ZNF638: variants seen among roughly 807,000 people sequenced by gnomAD.
ZNF638 encodes zinc finger protein 638, also known as CTCL tumor antigen se33-1.
A neutral mutation model predicts 195.6 loss-of-function variants in ZNF638; 46 were observed. The observed-to-expected ratio is 0.24, with a 90% CI of 0.19 to 0.30. ZNF638 has a LOEUF of 0.30. Among genes scored for constraint, ZNF638 ranks in the 10% least tolerant of loss-of-function variants. The probability of loss-of-function intolerance (pLI) is 1.00; values close to 1 mark genes in which losing one functional copy is unlikely to be tolerated. For synonymous variants in ZNF638, 845 were observed against 772.0 expected (o/e 1.09, Z -1.57); for missense variants, 2,440 against 2,325.3 (o/e 1.05, Z -1.01).
chr2:71,399,906 A>G (rs1245570277), intron 13 of ZNF638, among the ~76,000 whole-genome samples: 1 of 152,032 alleles, frequency 6.6e-6, no homozygotes, highest in African/African-American at 2.4e-5. Flanking sequence ...TCTTTAGATC[A>G]TCTTTAAGGT....
chr2:71,383,744 CTTTTTTTTTTTCTTTTTCTT>C (rs1483883899), intron 10 of ZNF638, among the ~76,000 whole-genome samples: 1 of 92,534 alleles, frequency 1.1e-5, no homozygotes, highest in African/African-American at 4.5e-5. Context: ...GCTAATTTTT[CTTTTTTTTTTTCTTTTTCTT>C]TTTTTTTTTT....
At chr2:71,408,030 G>A in intron 19 of ZNF638, 92 bp from the exon 20 acceptor site, 2 of 1,180,694 alleles carry the variant, frequency 1.7e-6, no homozygotes, top group South Asian at 3.1e-5. Context: ...CCTTTTAGGT[G>A]TATACTAAAA....
Position 71,422,013 on chromosome 2 carries a change from A to G in ZNF638, c.3300-801A>G, listed in dbSNP as rs80232588. 3.5e-3 allele frequency among the ~76,000 whole-genome samples: 533 copies of G among 152,324 alleles called. 1 individual carries two copies. The highest frequency in any genetic ancestry group is 0.012 in the African/African-American group (503 of 41,592). On this transcript the variant is annotated intron_variant, in intron 21 of 27. Coordinates refer to ENST00000264447, the MANE Select transcript of ZNF638 (RefSeq NM_014497.5). ...TAAGATGAATTACATATACTTAGCC[A>G]TGTATTTCCTCCATTTCTTCTGAAT...
At chr2:71,353,206 CTA>C (rs2104203280) in intron 2 of ZNF638, among the ~76,000 whole-genome samples, 1 of 152,272 alleles carries the variant, frequency 6.6e-6, no homozygotes, top group East Asian at 1.9e-4. Flanking sequence ...GTCTTTGAAA[CTA>C]TAGCTGTGAA....
At chr2:71,399,735 A>G in intron 13 of ZNF638, 90 bp downstream of exon 13, 3 of 1,010,208 alleles carry the variant, frequency 3.0e-6, no homozygotes, top group South Asian at 1.5e-5. Context: ...GGTTTCTTAC[A>G]TAGGTAAACG....
chr2:71,371,547 G>C (rs2079313266), intron 8 of ZNF638, among the ~76,000 whole-genome samples: 3 of 152,122 alleles, frequency 2.0e-5, no homozygotes, highest in Admixed American at 2.0e-4. Context: ...ATTTTAACCG[G>C]GGTAAGATGG....
Position 71,423,101 on chromosome 2 carries a change from A to T in ZNF638, c.3587A>T (p.Glu1196Val). 1 of 1,614,146 alleles carries T rather than the reference A, an allele frequency of 6.2e-7. No individual in the cohort carries two copies. ...VSIEQFTENAEECALNQQMFN... is the reference protein window; with the variant it reads ...VSIEQFTENAVECALNQQMFN... ...ATTGAACAATTCACTGAAAATGCCG[A>T]GGAGTGTGCTTTAAATCAGCAGATG... The change falls in exon 22 of 28, where the codon GAG (glutamate) becomes GTG (valine). Residue 1196 changes from glutamate (E) to valine (V), a missense_variant. This residue lies in a region of ZNF638 where 1,883 missense variants were observed against 1,739.1 expected (regional missense o/e 1.08). Transcript: ENST00000264447.
At chr2:71,336,210 A>G (rs1431504516) in intron 1 of ZNF638, among the ~76,000 whole-genome samples, 1 of 152,062 alleles carries the variant, frequency 6.6e-6, no homozygotes, top group African/African-American at 2.4e-5. Context: ...CGTCTCTACT[A>G]AAAATACAAA....
rs769572197 is a variant in ZNF638 at position 71,423,900 on chromosome 2, T to C, written c.4386T>C (p.Ser1462=). 1.7e-5 allele frequency: 28 copies of C among 1,614,028 alleles called. No individual in the cohort carries two copies. The highest frequency in any genetic ancestry group is 5.9e-6 in the Non-Finnish European group (7 of 1,180,002). The change falls in exon 22 of 28, where the codon AGT becomes AGC. Residue 1462 remains serine (S), a synonymous_variant. Transcript: ENST00000264447. ...GTAAATTCAAACCTACTCAGAGCAG[T>C]CTTACCAGAGGAGGCAGTGGAAGGA... is the stretch of plus-strand genomic sequence containing the variant. The part of the protein sequence containing the change: ...SSSKFKPTQS[S]LTRGGSGRIS...
chr2:71,406,635 A>G (rs2080110777), intron 19 of ZNF638, among the ~76,000 whole-genome samples: 1 of 152,138 alleles, frequency 6.6e-6, no homozygotes, highest in Admixed American at 6.5e-5. Flanking sequence ...ATTACCCAAT[A>G]TTTCTTTAAG....
At chr2:71,427,492 G>A in intron 24 of ZNF638, 78 bp downstream of exon 24, 13 of 1,088,856 alleles carry the variant, frequency 1.2e-5, no homozygotes, top group Non-Finnish European at 1.4e-5. Flanking sequence ...ACATGTTGTG[G>A]CATTACCAAT....
intron 6 of ZNF638, among the ~76,000 whole-genome samples, 171 bp downstream of exon 6, chr2:71,365,877 G>A (rs370052349): frequency 8.8e-4 from 134 of 152,260 alleles, no homozygotes; most frequent in Non-Finnish European, 1.4e-3. Flanking sequence ...GTGCCACCAT[G>A]CCTGGCTAAT....
chr2:71,352,595 GGAAA>G (rs754020951), intron 2 of ZNF638, among the ~76,000 whole-genome samples: 6 of 152,120 alleles, frequency 3.9e-5, no homozygotes, highest in Admixed American at 6.5e-5. Flanking sequence ...GAGGCAGTTG[GGAAA>G]GAGTGATGAG....
At chr2:71,386,597 G>A (rs1469959889) in intron 10 of ZNF638, among the ~76,000 whole-genome samples, 4 of 152,182 alleles carry the variant, frequency 2.6e-5, no homozygotes, top group South Asian at 2.1e-4. Flanking sequence ...ATGATAGTAC[G>A]AAGGAAAACC....
chr2:71,384,175 A>G (rs547788059), intron 10 of ZNF638, among the ~76,000 whole-genome samples: 1 of 152,258 alleles, frequency 6.6e-6, no homozygotes, highest in Admixed American at 6.5e-5. Context: ...AATTCTTTAT[A>G]TGTAGCTCCA....
intron 2 of ZNF638, among the ~76,000 whole-genome samples, chr2:71,355,170 G>T (rs573858475): frequency 5.9e-5 from 9 of 152,000 alleles, no homozygotes; most frequent in African/African-American, 2.2e-4. Flanking sequence ...GGGTTTCACA[G>T]TAGTGTCGAT....
intron 1 of ZNF638, among the ~76,000 whole-genome samples, chr2:71,347,467 A>G (rs1174057917): frequency 6.6e-6 from 1 of 152,242 alleles, no homozygotes; most frequent in Non-Finnish European, 1.5e-5. Flanking sequence ...TGTATAGTAA[A>G]GTAACGGATG....
chr2:71,339,684 T>C (rs987571180), intron 1 of ZNF638, among the ~76,000 whole-genome samples: 12 of 152,198 alleles, frequency 7.9e-5, no homozygotes, highest in African/African-American at 2.9e-4. Flanking sequence ...TGTTTTATGG[T>C]GCAGTTTCTC....
intron 14 of ZNF638, 136 bp downstream of exon 14, chr2:71,400,316 G>T: frequency 9.6e-7 from 1 of 1,042,552 alleles, no homozygotes; most frequent in Non-Finnish European, 1.4e-6. Flanking sequence ...AAATTTAAAT[G>T]TATTTTTTAA....
Sources: gnomAD v4.1 joint callset for allele counts (sites outside exome capture counted in the v4.1 genomes callset) on GRCh38, gnomAD v4.1.1 for gene constraint, gnomAD v4.1.1 regional missense constraint, MANE v1.5 for transcripts, NCBI Gene and HGNC (gene_info 2026-07-23, HGNC 2026-07-21) for gene names.